The following HK1 variants were observed in gnomAD, a reference collection of about 807,000 sequenced individuals.
HK1 encodes hexokinase-1.
In HK1, 28 loss-of-function variants were observed where a neutral mutation model predicts 91.6. The ratio of observed to expected loss-of-function variants is 0.31; its 90% confidence interval spans 0.23 to 0.42. The LOEUF is 0.42. Ranked by LOEUF, HK1 falls within the 10% of genes least tolerant of loss-of-function variation. The pLI is 1.00. For missense variants in HK1, 770 were observed against 1,219.8 expected (o/e 0.63, Z 5.49); for synonymous variants, 430 against 468.1 (o/e 0.92, Z 1.05).
intron 1 of HK1, among the ~76,000 whole-genome samples, chr10:69,329,027 TCTA>T (rs1354371726): frequency 6.6e-6 from 1 of 152,224 alleles, no homozygotes; most frequent in Non-Finnish European, 1.5e-5. Context: ...ATTGTATTTA[TCTA>T]CTACATTTTG....
intron 9 of HK1, 27 bp from the exon 10 acceptor site, chr10:69,382,460 G>A (rs767543604): frequency 1.9e-6 from 3 of 1,613,094 alleles, no homozygotes; most frequent in Middle Eastern, 1.6e-4. Flanking sequence ...TCCAGCTGTT[G>A]TGGAATGTCC....
chr10:69,372,235 C>T (rs1443212367), intron 7 of HK1, among the ~76,000 whole-genome samples: 7 of 152,186 alleles, frequency 4.6e-5, no homozygotes, highest in Non-Finnish European at 2.9e-5. Context: ...CATGGGAATT[C>T]AAGAAGAGAT....
Position 69,302,616 on chromosome 10 carries a change from G to A in HK1, c.27+1755G>A, listed in dbSNP as rs141036585. 2.0e-3 allele frequency among the ~76,000 whole-genome samples: 309 copies of A among 151,986 alleles called. 2 individuals carry two copies. Among genetic ancestry groups the A allele is most frequent in the African/African-American group, 6.9e-3 (285 of 41,470 alleles). On this transcript the variant is annotated intron_variant, in intron 5 of 21. Transcript: ENST00000360289. ...AAAGTAATTTTAAAATTTCCTGAGA[G>A]TGGTGGGGTGCATCTGTGGTCCCAG...
chr10:69,395,232 GA>G, intron 16 of HK1, 127 bp downstream of exon 16: 1 of 790,922 alleles, frequency 1.3e-6, no homozygotes, highest in Non-Finnish European at 2.1e-6. Context: ...TTTTCCTCTG[GA>G]ATAGCAGACC....
Position 69,401,533 on chromosome 10 carries a change from A to T in HK1, c.*398A>T, listed in dbSNP as rs1275638593. ...TTGGGGTTCCCCCTCCCTGTGTGAA[A>T]TGTATTATCACCAGCAGACACTGCC... On this transcript the variant is annotated 3_prime_UTR_variant, in exon 18 of 18. Coordinates refer to ENST00000359426, the MANE Select transcript of HK1 (RefSeq NM_000188.3). 8.5e-6 allele frequency: 3 copies of T among 350,886 alleles called. No individual in the cohort carries two copies. The highest frequency in any genetic ancestry group is 1.7e-5 in the Non-Finnish European group (3 of 179,984). 21.7% of individuals were successfully genotyped at this position (350,886 alleles called of 1,614,324 possible).
Position 69,342,143 on chromosome 10 carries a change from G to T in HK1, c.64-1684G>T, listed in dbSNP as rs1848321077. On this transcript the variant is annotated intron_variant, in intron 1 of 17. Transcript: ENST00000359426. Reference sequence around the variant, plus strand: ...AGCCTGGGTGACAGAGATAGACTATGAAAAAAAAACCAACCCCAAAAACAA... The same window carrying T: ...AGCCTGGGTGACAGAGATAGACTATTAAAAAAAAACCAACCCCAAAAACAA... Among the ~76,000 whole-genome samples the T allele has an allele frequency of 2.0e-5, 3 of 147,130 alleles. 1 individual carries two copies. The South Asian group carries it at 6.5e-4, about 32-fold the overall frequency.
rs756550502 is a variant in HK1, at chr10:69,392,316, C to T, written c.2219+8C>T. The T allele has an allele frequency of 1.7e-5, 28 of 1,613,956 alleles. 1 individual carries two copies. In the Middle Eastern group the frequency reaches 4.9e-4, roughly 28 times the overall value. Reference sequence around the variant, plus strand: ...AAATGCTGGGAAACAAAGGTAACCCCGCCTGGTGGAGAGGACACTCACAGT... The same window carrying T: ...AAATGCTGGGAAACAAAGGTAACCCTGCCTGGTGGAGAGGACACTCACAGT... On this transcript the variant is annotated splice_region_variant and intron_variant, in intron 15 of 17. Coordinates refer to ENST00000359426, the MANE Select transcript of HK1 (RefSeq NM_000188.3).
chr10:69,375,559 C>G (rs1839052320), intron 7 of HK1, among the ~76,000 whole-genome samples: 1 of 152,078 alleles, frequency 6.6e-6, no homozygotes, highest in Admixed American at 6.5e-5. Context: ...TAAGGAGGCT[C>G]TGTGCCCTGT....
In HK1 at chr10:69,379,949, C is replaced by G. The variant is rs538951044; in HGVS notation, c.1119C>G (p.His373Gln). 1 of 1,614,198 alleles carries G rather than the reference C, an allele frequency of 6.2e-7. No homozygotes were observed. Among genetic ancestry groups the G allele is most frequent in the Non-Finnish European group, 8.5e-7 (1 of 1,180,018 alleles). ...PSDDDCVSVQHVCTIVSFRSA... is the reference protein window; with the variant it reads ...PSDDDCVSVQQVCTIVSFRSA... The stretch of plus-strand genomic sequence containing the variant: ...ATGATGACTGTGTCTCAGTCCAGCA[C>G]GTTTGCACCATTGTCTCATTTCGCT... The change falls in exon 9 of 18, where the codon CAC becomes CAG. Residue 373 changes from histidine to glutamine, a missense_variant. This residue lies in a region of HK1 where 449 missense variants were observed against 665.1 expected (regional missense o/e 0.68). Transcript: ENST00000359426.
intron 12 of HK1, 121 bp downstream of exon 12, chr10:69,385,036 C>T: frequency 9.1e-7 from 1 of 1,100,214 alleles, no homozygotes; most frequent in Non-Finnish European, 1.4e-6. Context: ...GTCACAGTCA[C>T]AGTGGGTTGA....
chr10:69,339,993 A>G (rs1441222785), intron 1 of HK1, among the ~76,000 whole-genome samples: 1 of 152,228 alleles, frequency 6.6e-6, no homozygotes, highest in Non-Finnish European at 1.5e-5. Flanking sequence ...ATCTTGATAT[A>G]CTGATATACT....
chr10:69,373,208 C>T (rs1243083282), intron 7 of HK1, among the ~76,000 whole-genome samples: 1 of 152,192 alleles, frequency 6.6e-6, no homozygotes, highest in Non-Finnish European at 1.5e-5. Flanking sequence ...TAGATTTGTG[C>T]AAAGGCTCTC....
intron 1 of HK1, among the ~76,000 whole-genome samples, chr10:69,280,881 A>G (rs1351012867): frequency 3.3e-5 from 5 of 152,214 alleles, no homozygotes; most frequent in African/African-American, 1.2e-4. Flanking sequence ...CAGTTTTCAA[A>G]TAATATGCTT....
rs1343079958 is a variant in HK1 at position 69,300,718 on chromosome 10, C to T, written c.-66-51C>T. The T allele has an allele frequency of 4.8e-5, 50 of 1,038,784 alleles. 1 individual carries two copies. The highest frequency in any genetic ancestry group is 1.0e-4 in the African/African-American group (6 of 58,280). The allele number at this position is 1,038,784 out of a possible 1,614,324, so 64.3% of individuals were successfully genotyped here. A position where few individuals can be genotyped will look rare whatever the true frequency, so the allele number is the denominator to read the frequency against. ...TTCATCATCACAGTGAGAAACCAGA[C>T]GATGACTTTGGAGCATGGCCTAAGA... On this transcript the variant is annotated intron_variant, in intron 4 of 21. Transcript: ENST00000360289.
chr10:69,354,512 G>A (rs1204278977), intron 2 of HK1, among the ~76,000 whole-genome samples: 2 of 152,114 alleles, frequency 1.3e-5, no homozygotes, highest in African/African-American at 2.4e-5. Context: ...TCACTATCAC[G>A]AGAACAGCAT....
chr10:69,279,098 A>G (rs1308433864), intron 1 of HK1, among the ~76,000 whole-genome samples: 1 of 152,172 alleles, frequency 6.6e-6, no homozygotes, highest in Non-Finnish European at 1.5e-5. Context: ...ATTATCACTC[A>G]TGGGCTGATG....
At chr10:69,276,090 C>CAAAAAAAAAAAAAAAAAAA (rs60324656) in intron 1 of HK1, among the ~76,000 whole-genome samples, 1 of 15,932 alleles carries the variant, frequency 6.3e-5, no homozygotes, top group African/African-American at 2.1e-4. Context: ...AACTCCTTTT[C>CAAAAAAAAAAAAAAAAAAA]AAAAAAAAAA....
Position 69,360,546 on chromosome 10 carries a change from T to C in HK1, c.375+501T>C, listed in dbSNP as rs529980504. 9.2e-5 allele frequency among the ~76,000 whole-genome samples: 14 copies of C among 152,308 alleles called. No individual in the cohort carries two copies. In the South Asian group the frequency reaches 2.9e-3, roughly 32 times the overall value. On this transcript the variant is annotated intron_variant, in intron 3 of 17. Transcript: ENST00000359426. ...GGGCTTCTTGTTACCTGATTTAGAATACCATTGCACAAGCCCTTGGCACAG... is the reference window on the plus strand; with the variant it reads ...GGGCTTCTTGTTACCTGATTTAGAACACCATTGCACAAGCCCTTGGCACAG...
intron 2 of HK1, among the ~76,000 whole-genome samples, chr10:69,356,226 A>T (rs1335001901): frequency 6.6e-6 from 1 of 151,908 alleles, no homozygotes; most frequent in Non-Finnish European, 1.5e-5. Context: ...ACTTGAGCGA[A>T]GGCATTTGAG....
Sources: gnomAD v4.1 joint callset for allele counts (sites outside exome capture counted in the v4.1 genomes callset) on GRCh38, gnomAD v4.1.1 for gene constraint, gnomAD v4.1.1 regional missense constraint, MANE v1.5 for transcripts, NCBI Gene and HGNC (gene_info 2026-07-23, HGNC 2026-07-21) for gene names.